Variants in RORA observed in about 807,000 individuals in gnomAD.
RORA encodes the protein RAR related orphan receptor A, also known as nuclear receptor ROR-alpha.
RORA carries 7 observed loss-of-function variants against 69.5 expected under a neutral mutation model. The observed-to-expected ratio is 0.10, with a 90% CI of 0.06 to 0.19. RORA has a LOEUF of 0.19. Ranked by LOEUF, RORA falls within the 10% of genes least tolerant of loss-of-function variation. The pLI, the probability that RORA is intolerant of heterozygous loss-of-function variation, is 1.00. For missense variants in RORA, 457 were observed against 663.0 expected (o/e 0.69, Z 3.41); for synonymous variants, 261 against 240.8 (o/e 1.08, Z -0.78).
At chr15:61,182,395 T>G (rs552735665) in intron 1 of RORA, among the ~76,000 whole-genome samples, 1 of 152,342 alleles carries the variant, frequency 6.6e-6, no homozygotes, top group South Asian at 2.1e-4. Context: ...AATGTGCGTT[T>G]GGAAAAATTG....
intron 1 of RORA, among the ~76,000 whole-genome samples, chr15:60,847,131 C>T (rs774460337): frequency 6.6e-6 from 1 of 152,118 alleles, no homozygotes; most frequent in East Asian, 1.9e-4. Context: ...TGTTCTTAAC[C>T]TCTGCCCTTG....
chr15:61,132,125 T>A (rs1331038296), intron 1 of RORA, among the ~76,000 whole-genome samples: 1 of 152,242 alleles, frequency 6.6e-6, no homozygotes, highest in Non-Finnish European at 1.5e-5. Flanking sequence ...ATTCCTGGTA[T>A]AAAATGGAAG....
rs144844846 is a variant in RORA at position 60,706,677 on chromosome 15, C to T, written c.167-27991G>A. Among the ~76,000 whole-genome samples the T allele has an allele frequency of 4.9e-4, 74 of 152,292 alleles. No homozygotes were observed. The East Asian group carries it at 0.01, about 21-fold the overall frequency. The stretch of plus-strand genomic sequence containing the variant: ...TCAGCTTCCCATTGTCACAAATCCT[C>T]TCTGGAGACAGAAGCCCATACCACT... On this transcript the variant is annotated intron_variant, in intron 1 of 10. Transcript: ENST00000335670.
At chr15:61,003,378 T>TATACACACACAC (rs1460917435) in intron 1 of RORA, among the ~76,000 whole-genome samples, 1 of 152,132 alleles carries the variant, frequency 6.6e-6, no homozygotes, top group African/African-American at 2.4e-5. Flanking sequence ...CACACACACA[T>TATACACACACAC]ATACACACAC....
At chr15:60,904,942 T>A (rs1891493056) in intron 1 of RORA, among the ~76,000 whole-genome samples, 2 of 152,106 alleles carry the variant, frequency 1.3e-5, no homozygotes, top group African/African-American at 4.8e-5. Context: ...GAAGCCCAGA[T>A]TAATTCCAAA....
chr15:61,100,112 C>CTTT (rs911036920), intron 1 of RORA, among the ~76,000 whole-genome samples: 28 of 119,048 alleles, frequency 2.4e-4, no homozygotes, highest in Non-Finnish European at 2.4e-4. Context: ...GGTCAATTTT[C>CTTT]TTTTTTTTTT....
At chr15:60,623,991 G>A (rs57634624) in intron 2 of RORA, among the ~76,000 whole-genome samples, 2 of 142,224 alleles carry the variant, frequency 1.4e-5, no homozygotes, top group Non-Finnish European at 3.1e-5. Flanking sequence ...GGAATTCTGT[G>A]TATGGTATGT....
chr15:60,834,787 C>A (rs1171815506), intron 1 of RORA, among the ~76,000 whole-genome samples: 3 of 152,172 alleles, frequency 2.0e-5, no homozygotes, highest in Non-Finnish European at 4.4e-5. Flanking sequence ...ACAGCGACCC[C>A]TCGACAATGC....
intron 2 of RORA, among the ~76,000 whole-genome samples, chr15:60,663,462 T>C (rs2070333410): frequency 6.6e-6 from 1 of 152,182 alleles, no homozygotes; most frequent in South Asian, 2.1e-4. Flanking sequence ...GAGACTTTTT[T>C]TGTTGTTGCT....
At chr15:61,156,684 G>A (rs1036826431) in intron 1 of RORA, among the ~76,000 whole-genome samples, 10 of 152,160 alleles carry the variant, frequency 6.6e-5, no homozygotes, top group African/African-American at 2.2e-4. Context: ...ATACAGCAAA[G>A]GCTTGGAAAC....
intron 1 of RORA, among the ~76,000 whole-genome samples, chr15:60,842,107 T>C (rs1180576145): frequency 6.6e-6 from 1 of 152,018 alleles, no homozygotes; most frequent in Non-Finnish European, 1.5e-5. Context: ...TCAGCCATCT[T>C]CCTTTCTAAA....
intron 1 of RORA, among the ~76,000 whole-genome samples, chr15:60,944,771 C>A (rs1003005086): frequency 2.0e-5 from 3 of 151,434 alleles, no homozygotes; most frequent in African/African-American, 4.9e-5. Flanking sequence ...GGGCAATACA[C>A]CATTTCCAAT....
intron 2 of RORA, among the ~76,000 whole-genome samples, chr15:60,626,921 G>A (rs1295410746): frequency 2.0e-5 from 3 of 152,096 alleles, no homozygotes; most frequent in Non-Finnish European, 2.9e-5. Flanking sequence ...TCAAATCTCT[G>A]TGCTTCAGCT....
chr15:60,842,017 A>G (rs1031725839), intron 1 of RORA, among the ~76,000 whole-genome samples: 1 of 151,758 alleles, frequency 6.6e-6, no homozygotes, highest in Non-Finnish European at 1.5e-5. Flanking sequence ...GGTCACTGCC[A>G]TCACGGATGC....
At chr15:60,968,340 G>T (rs186618023) in intron 1 of RORA, among the ~76,000 whole-genome samples, 1 of 152,310 alleles carries the variant, frequency 6.6e-6, no homozygotes, top group East Asian at 1.9e-4. Context: ...CAAAACCTTG[G>T]TGCATTACAA....
chr15:61,229,130 G>C lies in RORA; in HGVS notation c.89C>G (p.Pro30Arg), dbSNP rs1278760179. 5 of 1,542,686 alleles carry C rather than the reference G, an allele frequency of 3.2e-6. No homozygotes were observed. Among genetic ancestry groups the C allele is most frequent in the African/African-American group, 1.4e-5 (1 of 71,944 alleles). ...CTTGCGGGCGGATTCCTGGTTCAGCGGGGTCTCCCTGGAGCCGGCGGCCGC... is the reference window on the plus strand; with the variant it reads ...CTTGCGGGCGGATTCCTGGTTCAGCCGGGTCTCCCTGGAGCCGGCGGCCGC... ...ADAAAGSRET[P>R]LNQESARKSE... Residue 30 changes from proline to arginine, a missense_variant, in exon 1 of 11, where the codon CCG becomes CGG. This residue lies in a region of RORA where 119 missense variants were observed against 92.4 expected (regional missense o/e 1.29). Transcript: ENST00000335670.
At chr15:61,223,649 G>A (rs1440504874) in intron 1 of RORA, among the ~76,000 whole-genome samples, 1 of 152,168 alleles carries the variant, frequency 6.6e-6, no homozygotes, top group East Asian at 1.9e-4. Flanking sequence ...TGACCTTGTG[G>A]CACCATAAGA....
Position 60,727,187 on chromosome 15 carries a change from A to G in RORA, c.167-48501T>C, listed in dbSNP as rs112567173. Among the ~76,000 whole-genome samples the G allele has an allele frequency of 8.8e-3, 1,339 of 152,140 alleles. 17 individuals are homozygous for G. Among genetic ancestry groups the G allele is most frequent in the African/African-American group, 0.03 (1,255 of 41,490 alleles). On this transcript the variant is annotated intron_variant, in intron 1 of 10. Transcript: ENST00000335670. ...CCCATTGCTTTCATTTTTTGTTGTT[A>G]TTGTTTTGTTTTGTTTTTTGGCAAG...
intron 2 of RORA, chr15:60,593,046 C>T (rs1314916265): frequency 4.6e-6 from 2 of 434,492 alleles, no homozygotes; most frequent in Admixed American, 5.0e-5. Flanking sequence ...GAAGGTACGG[C>T]CCACTTCTGG....
Sources: allele counts gnomAD v4.1 joint callset (sites outside exome capture counted in the v4.1 genomes callset), GRCh38; gene constraint gnomAD v4.1.1; regional missense constraint gnomAD v4.1.1; transcripts MANE v1.5; gene names NCBI Gene and HGNC (gene_info 2026-07-23, HGNC 2026-07-21).